The following GSC2 variants were observed in gnomAD, a reference collection of about 807,000 sequenced individuals.
GSC2 encodes homeobox protein goosecoid-2.
In GSC2, 12 loss-of-function variants were observed where a neutral mutation model predicts 11.3. That is an observed-to-expected ratio of 1.06 (90% confidence interval 0.68 to 1.72). The LOEUF (loss-of-function observed/expected upper bound fraction) is 1.72. Ranked by LOEUF, GSC2 falls within the 40% of genes most tolerant of loss-of-function variation. The pLI, the probability that GSC2 is intolerant of heterozygous loss-of-function variation, is 0.00. For synonymous variants in GSC2, 148 were observed against 110.0 expected (o/e 1.35, Z -2.16); for missense variants, 310 against 235.7 (o/e 1.32, Z -2.06).
chr22:19,149,154 A>G (rs1401423738), intron 2 of GSC2, 59 bp from the exon 3 acceptor site: 15 of 1,017,302 alleles, frequency 1.5e-5, no homozygotes, highest in Non-Finnish European at 2.0e-5. Flanking sequence ...CCGGCTCCCG[A>G]GGGTCCCACA....
At position 19,147,338 on chromosome 22, in the gene GSC2, C is replaced by T. The variant is rs782536640; in HGVS notation, c.*1653G>A. ...TGAGAAGCGAGCGCCTGGGTGTGAG[C>T]GTGAAGGATGCCTATGTTAATAGCC... On this transcript the variant is annotated 3_prime_UTR_variant, in exon 3 of 3. Transcript: ENST00000086933. Among the ~76,000 whole-genome samples, 4 of 152,184 alleles carry T rather than the reference C, an allele frequency of 2.6e-5. No homozygotes were observed. The highest frequency in any genetic ancestry group is 6.5e-5 in the Admixed American group (1 of 15,274).
intron 2 of GSC2, 69 bp from the exon 3 acceptor site, chr22:19,149,164 A>G: frequency 2.2e-6 from 2 of 904,062 alleles, no homozygotes; most frequent in Admixed American, 3.0e-5. Flanking sequence ...AGGGTCCCAC[A>G]GGGACCGAGA....
chr22:19,149,626 C>G (rs1184707226), intron 2 of GSC2, 37 bp downstream of exon 2: 1 of 1,491,184 alleles, frequency 6.7e-7, no homozygotes, highest in African/African-American at 1.5e-5. Flanking sequence ...TAGCCGCGGC[C>G]CGCGCGCTCC....
At chr22:19,149,158 TC>T in intron 2 of GSC2, 63 bp from the exon 3 acceptor site, 1 of 1,017,750 alleles carries the variant, frequency 9.8e-7, no homozygotes, top group Non-Finnish European at 1.4e-6. Context: ...CTCCCGAGGG[TC>T]CCACAGGGAC....
chr22:19,149,665 C>G lies in GSC2; in HGVS notation c.511G>C (p.Glu171Gln). The change falls in exon 2 of 3, where the codon GAG becomes CAG. Residue 171 changes from glutamate (E) to glutamine (Q), a missense_variant and splice_region_variant. Physicochemically the swap from Glu to Gln is conservative, Grantham distance 29 (BLOSUM62 2). Transcript: ENST00000086933. The stretch of plus-strand genomic sequence containing the variant: ...GAAAGGCTGGGCGGGGCACTCACCT[C>G]CACGCGCTCCTCGCGAAGGCGGATG... ...GRIRLREERVEVWFKNRRAKW... is the reference protein window; with the variant it reads ...GRIRLREERVQVWFKNRRAKW... The G allele has an allele frequency of 2.6e-6, 4 of 1,542,848 alleles. No individual in the cohort carries two copies. The highest frequency in any genetic ancestry group is 3.5e-6 in the Non-Finnish European group (4 of 1,149,158).
Position 19,149,689 on chromosome 22 carries a change from T to A in GSC2, c.487A>T (p.Ile163Phe), listed in dbSNP as rs2083816104. The change falls in exon 2 of 3, where the codon ATC becomes TTC. Residue 163 changes from isoleucine to phenylalanine, a missense_variant. Physicochemically the swap from Ile to Phe is conservative, Grantham distance 21. Transcript: ENST00000086933. Reference protein sequence around the residue: ...VSTRERLAGRIRLREERVEVW... With the variant: ...VSTRERLAGRFRLREERVEVW... ...TCCACGCGCTCCTCGCGAAGGCGGA[T>A]GCGGCCGGCCAGGCGCTCGCGCGTA... 1 of 1,563,830 alleles carries A rather than the reference T, an allele frequency of 6.4e-7. No homozygotes were observed. The highest frequency in any genetic ancestry group is 1.2e-5 in the South Asian group (1 of 85,604).
chr22:19,149,459 T>C (rs2146120857), intron 2 of GSC2, among the ~76,000 whole-genome samples: 1 of 152,306 alleles, frequency 6.6e-6, no homozygotes, highest in African/African-American at 2.4e-5. Flanking sequence ...AGCCCTCCGG[T>C]TCCTTTCCCG....
rs1157456627 is a variant in GSC2, at chr22:19,148,107, C to T, written c.*884G>A. ...GAGTCCGAGCCCACAGCATGAAAAC[C>T]CCAGGAGGAAGCAGGGGACCCTCAC... On this transcript the variant is annotated 3_prime_UTR_variant, in exon 3 of 3. Coordinates refer to ENST00000086933, the MANE Select transcript of GSC2 (RefSeq NM_005315.2). Among the ~76,000 whole-genome samples the T allele has an allele frequency of 6.6e-6, 1 of 152,144 alleles. No homozygotes were observed. Among genetic ancestry groups the T allele is most frequent in the African/African-American group, 2.4e-5 (1 of 41,428 alleles).
In GSC2 at chr22:19,150,236, C is replaced by T. The variant is rs1390164329; in HGVS notation, c.48G>A (p.Arg16=). 1 of 279,184 alleles carries T rather than the reference C, an allele frequency of 3.6e-6. No individual in the cohort carries two copies. The highest frequency in any genetic ancestry group is 1.3e-4 in the East Asian group (1 of 7,516). The allele number at this position is 279,184 out of a possible 1,614,324, so 17.3% of individuals were successfully genotyped here. The part of the protein sequence containing the change: ...GGAASRRGAG[R]PCPFSIEHIL... ...TGTGCTCGATGGAGAAGGGGCAGGG[C>T]CGCCCGGCACCCCGGCGGCTCGCCG... The change falls in exon 1 of 3, where the codon CGG becomes CGA. Residue 16 remains arginine (R), a synonymous_variant. Coordinates refer to ENST00000086933, the MANE Select transcript of GSC2 (RefSeq NM_005315.2).
rs1555917858 is a variant in GSC2 at position 19,149,104 on chromosome 22, G to C, written c.514-9C>G. On this transcript the variant is annotated splice_polypyrimidine_tract_variant and intron_variant, in intron 2 of 2. Transcript: ENST00000086933. ...CGGTTCTTGAACCAGACCTGGGGAT[G>C]GGGGGAATGCTCAGCCCTAGCCCCA... 1 of 1,528,446 alleles carries C rather than the reference G, an allele frequency of 6.5e-7. No homozygotes were observed. Among genetic ancestry groups the C allele is most frequent in the Non-Finnish European group, 8.9e-7 (1 of 1,120,826 alleles). 94.7% of individuals were successfully genotyped at this position (1,528,446 alleles called of 1,614,324 possible). A position where few individuals can be genotyped will look rare whatever the true frequency, so the allele number is the denominator to read the frequency against.
intron 1 of GSC2, 44 bp downstream of exon 1, chr22:19,149,981 C>G (rs1166229734): frequency 1.1e-4 from 131 of 1,160,044 alleles, no homozygotes; most frequent in Non-Finnish European, 1.3e-4. Flanking sequence ...TGCGCCGCGC[C>G]CCGGGCTCCG....
intron 2 of GSC2, 49 bp downstream of exon 2, chr22:19,149,614 T>C (rs917545704): frequency 2.0e-6 from 3 of 1,478,180 alleles, no homozygotes; most frequent in Non-Finnish European, 1.8e-6. Flanking sequence ...CCCAGTCCAG[T>C]GTAGCCGCGG....
Position 19,150,180 on chromosome 22 carries a change from G to A in GSC2, c.104C>T (p.Pro35Leu), listed in dbSNP as rs1345265803. ...ILSSLPERSL[P>L]ARAACPPQPA... ...CTGCGGTGGGCAGGCGGCCCGGGCCGGGAGGCTCCGCTCGGGCAGGCTGGA... is the reference window on the plus strand; with the variant it reads ...CTGCGGTGGGCAGGCGGCCCGGGCCAGGAGGCTCCGCTCGGGCAGGCTGGA... Residue 35 changes from proline to leucine, a missense_variant, in exon 1 of 3, where the codon CCG becomes CTG. Transcript: ENST00000086933. The A allele has an allele frequency of 5.3e-6, 3 of 565,646 alleles. No individual in the cohort carries two copies. Among genetic ancestry groups the A allele is most frequent in the Non-Finnish European group, 6.9e-6 (3 of 432,108 alleles). 35.0% of individuals were successfully genotyped at this position (565,646 alleles called of 1,614,324 possible). A position where few individuals can be genotyped will look rare whatever the true frequency, so the allele number is the denominator to read the frequency against.
rs1278660288 is a variant in GSC2 at position 19,147,637 on chromosome 22, G to A, written c.*1354C>T. 1.3e-5 allele frequency among the ~76,000 whole-genome samples: 2 copies of A among 152,210 alleles called. No homozygotes were observed. Among genetic ancestry groups the A allele is most frequent in the Non-Finnish European group, 2.9e-5 (2 of 68,030 alleles). On this transcript the variant is annotated 3_prime_UTR_variant, in exon 3 of 3. Transcript: ENST00000086933. ...GGGCAAGACCAGGGTTCAGGGAGAA[G>A]GGCTTTGTGTGCATGCTAGGGGTGG...
At chr22:19,149,981 C>T in intron 1 of GSC2, 44 bp downstream of exon 1, 2 of 1,160,152 alleles carry the variant, frequency 1.7e-6, no homozygotes, top group Non-Finnish European at 2.1e-6. Context: ...TGCGCCGCGC[C>T]CCGGGCTCCG....
intron 2 of GSC2, among the ~76,000 whole-genome samples, 197 bp downstream of exon 2, chr22:19,149,466 C>A (rs946443383): frequency 6.6e-6 from 1 of 152,248 alleles, no homozygotes; most frequent in East Asian, 1.9e-4. Context: ...CGGTTCCTTT[C>A]CCGCGGCACC....
Position 19,150,226 on chromosome 22 carries a change from AG to A in GSC2, c.57del (p.Phe20SerfsTer75). 1 of 331,782 alleles carries A rather than the reference AG, an allele frequency of 3.0e-6. No homozygotes were observed. The highest frequency in any genetic ancestry group is 4.8e-6 in the Non-Finnish European group (1 of 207,890). The allele number at this position is 331,782 out of a possible 1,614,324, so 20.6% of individuals were successfully genotyped here. A position where few individuals can be genotyped will look rare whatever the true frequency, so the allele number is the denominator to read the frequency against. On this transcript the variant is annotated frameshift_variant, in exon 1 of 3. Transcript: ENST00000086933. LOFTEE classifies it high-confidence loss of function. ...CTGGAGAGGATGTGCTCGATGGAGAAGGGGCAGGGCCGCCCGGCACCCCGGC... is the reference window on the plus strand; with the variant it reads ...CTGGAGAGGATGTGCTCGATGGAGAAGGGCAGGGCCGCCCGGCACCCCGGC... ...ASRRGAGRPC[P>X]FSIEHILSSL...
rs1195522974 is a variant in GSC2 at position 19,148,915 on chromosome 22, A to T, written c.*76T>A. 1.5e-5 allele frequency: 13 copies of T among 847,072 alleles called. No homozygotes were observed. The highest frequency in any genetic ancestry group is 1.1e-4 in the South Asian group (7 of 64,222). 52.5% of individuals were successfully genotyped at this position (847,072 alleles called of 1,614,324 possible). On this transcript the variant is annotated 3_prime_UTR_variant, in exon 3 of 3. Transcript: ENST00000086933. ...GTACTCTCCCAGCTCCTTTTCGGGT[A>T]GACCTGTCTTCTCTCAGCGCCAACT...
chr22:19,150,195 G>T lies in GSC2; in HGVS notation c.89C>A (p.Pro30His). The T allele has an allele frequency of 2.1e-6, 1 of 477,414 alleles. No homozygotes were observed. The highest frequency in any genetic ancestry group is 6.2e-5 in the South Asian group (1 of 16,070). 29.6% of individuals were successfully genotyped at this position (477,414 alleles called of 1,614,324 possible). A position where few individuals can be genotyped will look rare whatever the true frequency, so the allele number is the denominator to read the frequency against. The change falls in exon 1 of 3, where the codon CCC becomes CAC. Residue 30 changes from proline (P) to histidine (H), a missense_variant. Physicochemically the swap from Pro to His is moderately conservative, Grantham distance 77. Transcript: ENST00000086933. ...GGCCCGGGCCGGGAGGCTCCGCTCGGGCAGGCTGGAGAGGATGTGCTCGAT... is the reference window on the plus strand; with the variant it reads ...GGCCCGGGCCGGGAGGCTCCGCTCGTGCAGGCTGGAGAGGATGTGCTCGAT... ...FSIEHILSSL[P>H]ERSLPARAAC...
Sources: gnomAD v4.1 joint callset for allele counts (sites outside exome capture counted in the v4.1 genomes callset) on GRCh38, gnomAD v4.1.1 for gene constraint, MANE v1.5 for transcripts, NCBI Gene and HGNC (gene_info 2026-07-23, HGNC 2026-07-21) for gene names.